Variants in CXADR observed in about 807,000 individuals in gnomAD.
CXADR encodes the protein coxsackievirus and adenovirus receptor.
A neutral mutation model predicts 40.3 loss-of-function variants in CXADR; 20 were observed. The ratio of observed to expected loss-of-function variants is 0.50; its 90% CI spans 0.35 to 0.72. The LOEUF is 0.72. CXADR is among the 30% of genes least tolerant of loss of function. CXADR has a pLI of 0.01. For synonymous variants in CXADR, 150 were observed against 161.3 expected, an observed-to-expected ratio of 0.93 and a Z score of 0.53; for missense variants, 332 against 449.1, an observed-to-expected ratio of 0.74 and a Z score of 2.36.
At chr21:17,532,277 A>T (rs938359436) in intron 1 of CXADR, among the ~76,000 whole-genome samples, 1 of 151,954 alleles carries the variant, frequency 6.6e-6, no homozygotes, top group African/African-American at 2.4e-5. Flanking sequence ...TTGATCTTTT[A>T]GTCTCTGGTG....
At chr21:17,627,648 A>G in the CXADR span, among the ~76,000 whole-genome samples, 2 of 152,214 alleles carry the variant, frequency 1.3e-5, no homozygotes, top group African/African-American at 4.8e-5. Flanking sequence ...GAAGACTGTG[A>G]GTCACTTGAA....
chr21:17,597,642 TACATAC>T (rs199992215), downstream of CXADR, among the ~76,000 whole-genome samples: 1,571 of 152,106 alleles, frequency 0.01, 12 homozygotes, highest in Admixed American at 0.033. Context: ...CATATACATA[TACATAC>T]ACATATACAT....
downstream of CXADR, among the ~76,000 whole-genome samples, chr21:17,596,345 A>G (rs1195566939): frequency 6.6e-6 from 1 of 152,030 alleles, no homozygotes; most frequent in Non-Finnish European, 1.5e-5. Flanking sequence ...GTGACCCTCT[A>G]GAGGAAATAT....
the CXADR span, among the ~76,000 whole-genome samples, chr21:17,625,959 C>T: frequency 6.6e-6 from 1 of 152,182 alleles, no homozygotes; most frequent in African/African-American, 2.4e-5. Flanking sequence ...CTGCACTGAG[C>T]GGGAGTCTGA....
chr21:17,602,501 T>C, the CXADR span, among the ~76,000 whole-genome samples: 1 of 152,172 alleles, frequency 6.6e-6, no homozygotes, highest in Non-Finnish European at 1.5e-5. Flanking sequence ...TGAAAAAATA[T>C]TTCTCAATGT....
the CXADR span, chr21:17,608,688 G>C: frequency 1.3e-5 from 4 of 318,436 alleles, no homozygotes; most frequent in Non-Finnish European, 2.3e-5. Context: ...CTAAGTATTT[G>C]TGATAAACAG....
At chr21:17,563,000 C>T (rs1475377993) in intron 6 of CXADR, among the ~76,000 whole-genome samples, 1 of 152,204 alleles carries the variant, frequency 6.6e-6, no homozygotes, top group Non-Finnish European at 1.5e-5. Context: ...AGCAATAAGA[C>T]TGCTTCACTT....
chr21:17,551,227 C>G (rs940603485), intron 2 of CXADR, among the ~76,000 whole-genome samples: 3 of 152,094 alleles, frequency 2.0e-5, no homozygotes, highest in African/African-American at 4.8e-5. Context: ...TGGTGAAATC[C>G]CTTGTCTACT....
chr21:17,569,511 A>G lies in CXADR; in HGVS notation c.*3819A>G. On this transcript the variant is annotated 3_prime_UTR_variant, in exon 7 of 7. Coordinates refer to ENST00000284878, the MANE Select transcript of CXADR (RefSeq NM_001338.5). ...CTGCAATAGGATTTCTTACTCATTT[A>G]CCTATTTTAACACTAAAATAGACCA... is the stretch of plus-strand genomic sequence containing the variant. 2 of 985,298 alleles carry G rather than the reference A, an allele frequency of 2.0e-6. No homozygotes were observed. Among genetic ancestry groups the G allele is most frequent in the Non-Finnish European group, 2.4e-6 (2 of 829,902 alleles). The allele number at this position is 985,298 out of a possible 1,614,324, so 61.0% of individuals were successfully genotyped here.
At chr21:17,612,036 C>G in the CXADR span, 1 of 152,360 alleles carries the variant, frequency 6.6e-6, no homozygotes, top group South Asian at 2.1e-4. Context: ...GTTGGACTTT[C>G]TGAAGCCATC....
chr21:17,519,068 G>T (rs1569070192), intron 1 of CXADR: 2 of 990,202 alleles, frequency 2.0e-6, no homozygotes, highest in East Asian at 4.9e-5. Context: ...TGCCCGATAT[G>T]CCCCCTCTTA....
the CXADR span, among the ~76,000 whole-genome samples, chr21:17,630,429 C>A: frequency 2.0e-5 from 3 of 152,036 alleles, no homozygotes; most frequent in South Asian, 4.1e-4. Context: ...AAAATATGGT[C>A]TTTTAAAAAT....
Position 17,551,962 on chromosome 21 carries a change from T to C in CXADR, c.415+9T>C, listed in dbSNP as rs1335332336. ...TCATCTGGTAGTTCTTGGTAAGTTA[T>C]TTTTATTTGTGTTAACGGGTTACTG... On this transcript the variant is annotated intron_variant, in intron 3 of 6. Transcript: ENST00000284878. 4 of 1,601,142 alleles carry C rather than the reference T, an allele frequency of 2.5e-6. No individual in the cohort carries two copies. Among genetic ancestry groups the C allele is most frequent in the Non-Finnish European group, 3.4e-6 (4 of 1,168,608 alleles).
intron 6 of CXADR, among the ~76,000 whole-genome samples, chr21:17,563,896 A>G (rs1363082532): frequency 7.7e-6 from 1 of 130,248 alleles, no homozygotes; most frequent in Non-Finnish European, 1.6e-5. Context: ...AGCTGAGATC[A>G]CGCCACTGCA....
chr21:17,592,132 G>A (rs765084867), intron 7 of CXADR, among the ~76,000 whole-genome samples: 1 of 151,876 alleles, frequency 6.6e-6, no homozygotes, highest in Non-Finnish European at 1.5e-5. Flanking sequence ...AGGAGATTTT[G>A]TAGTAACGTG....
At chr21:17,625,763 G>C in the CXADR span, among the ~76,000 whole-genome samples, 1 of 152,150 alleles carries the variant, frequency 6.6e-6, no homozygotes, top group Non-Finnish European at 1.5e-5. Flanking sequence ...ATTATCAACA[G>C]CATACCTTAA....
chr21:17,515,130 C>A (rs147140284), intron 1 of CXADR, among the ~76,000 whole-genome samples: 780 of 19,292 alleles, frequency 0.04, 4 homozygotes, highest in Non-Finnish European at 0.039. Context: ...ATCTTTATTC[C>A]AGTTTTTCAG....
intron 1 of CXADR, among the ~76,000 whole-genome samples, chr21:17,536,866 C>T (rs1415723573): frequency 6.6e-6 from 1 of 152,224 alleles, no homozygotes; most frequent in East Asian, 1.9e-4. Flanking sequence ...AAGCAATTCT[C>T]CTGCCTCAGC....
chr21:17,556,347 A>G (rs1392567665), intron 3 of CXADR, among the ~76,000 whole-genome samples: 1 of 152,018 alleles, frequency 6.6e-6, no homozygotes, highest in Non-Finnish European at 1.5e-5. Context: ...TCATTCAGAA[A>G]CCTGTGTTGG....
Sources: allele counts gnomAD v4.1 joint callset (sites outside exome capture counted in the v4.1 genomes callset), GRCh38; gene constraint gnomAD v4.1.1; transcripts MANE v1.5; gene names NCBI Gene and HGNC (gene_info 2026-07-23, HGNC 2026-07-21).